The following EPHA6 variants were observed in gnomAD, a reference collection of about 807,000 sequenced individuals.
EPHA6 encodes EPH receptor A6.
A neutral mutation model predicts 112.0 loss-of-function variants in EPHA6; 50 were observed. That is an observed-to-expected ratio of 0.45 (90% CI 0.36 to 0.56). The LOEUF is 0.56. Among genes scored for constraint, EPHA6 ranks in the 20% least tolerant of loss-of-function variants. The pLI is 0.00. For missense variants in EPHA6, 1,280 were observed against 1,417.4 expected, an observed-to-expected ratio of 0.90 and a Z score of 1.56; for synonymous variants, 529 against 490.7, an observed-to-expected ratio of 1.08 and a Z score of -1.03.
intron 3 of EPHA6, among the ~76,000 whole-genome samples, chr3:97,055,556 A>G (rs998291): frequency 0.94 from 142,300 of 152,182 alleles, 66,597 homozygotes; most frequent in African/African-American, 0.98. Flanking sequence ...ACACTAAAAT[A>G]AACAGCTGAG....
At chr3:97,302,128 C>A (rs954508014) in intron 5 of EPHA6, among the ~76,000 whole-genome samples, 2 of 152,016 alleles carry the variant, frequency 1.3e-5, no homozygotes, top group Non-Finnish European at 2.9e-5. Context: ...TCACATACAT[C>A]AAACTTCTGC....
At chr3:96,868,001 C>T (rs1461300923) in intron 2 of EPHA6, among the ~76,000 whole-genome samples, 3 of 151,766 alleles carry the variant, frequency 2.0e-5, no homozygotes, top group Admixed American at 6.6e-5. Context: ...CAAACTGTTT[C>T]TGAGGTATAT....
intron 1 of EPHA6, among the ~76,000 whole-genome samples, chr3:96,843,573 A>G (rs1324992602): frequency 6.6e-6 from 1 of 152,028 alleles, no homozygotes; most frequent in Non-Finnish European, 1.5e-5. Flanking sequence ...CAATAGGAGT[A>G]ATGAAGTTGG....
At chr3:97,656,594 A>G (rs1187124954) in intron 14 of EPHA6, among the ~76,000 whole-genome samples, 1 of 151,406 alleles carries the variant, frequency 6.6e-6, no homozygotes, top group African/African-American at 2.4e-5. Flanking sequence ...TTTCTTTTTC[A>G]TTTACTGTAT....
rs371011917 is a variant in EPHA6, at chr3:97,270,909, ATAAAG to A, written c.1606+26625_1606+26629del. On this transcript the variant is annotated intron_variant, in intron 5 of 17. Transcript: ENST00000389672. Reference sequence around the variant, plus strand: ...GAAGTAACTCCCTGAATTCCCAGTCATAAAGTAGTCTGTGGCTTATGGTTTCAGTT... The same window carrying A: ...GAAGTAACTCCCTGAATTCCCAGTCATAGTCTGTGGCTTATGGTTTCAGTT... Among the ~76,000 whole-genome samples, 931 of 152,338 alleles carry A rather than the reference ATAAAG, an allele frequency of 6.1e-3. 5 individuals carry two copies. Among genetic ancestry groups the A allele is most frequent in the African/African-American group, 0.022 (900 of 41,574 alleles).
chr3:97,081,016 T>A (rs2046702965), intron 3 of EPHA6, among the ~76,000 whole-genome samples: 1 of 151,970 alleles, frequency 6.6e-6, no homozygotes, highest in Non-Finnish European at 1.5e-5. Flanking sequence ...CTACTGATTT[T>A]ATGAAATGTG....
chr3:97,566,903 T>C (rs968567221), intron 11 of EPHA6, among the ~76,000 whole-genome samples: 2 of 152,174 alleles, frequency 1.3e-5, no homozygotes, highest in African/African-American at 4.8e-5. Context: ...TTGAACCTTA[T>C]TGGCCTGGCA....
chr3:97,078,422 G>T (rs936925228), intron 3 of EPHA6, among the ~76,000 whole-genome samples: 6 of 152,030 alleles, frequency 3.9e-5, no homozygotes, highest in Admixed American at 1.3e-4. Flanking sequence ...GTCTATTTTG[G>T]CTTTTGTTGC....
rs2084492705 is a variant in EPHA6, at chr3:97,363,220, AT to A, written c.1607-41929del. ...TATATATATATATATATATATATATATATATATATATATATATAAATCTCAG... is the reference window on the plus strand; with the variant it reads ...TATATATATATATATATATATATATAATATATATATATATATAAATCTCAG... On this transcript the variant is annotated intron_variant, in intron 5 of 17. Coordinates refer to ENST00000389672, the MANE Select transcript of EPHA6 (RefSeq NM_001080448.3). Among the ~76,000 whole-genome samples the A allele has an allele frequency of 2.9e-4, 20 of 69,350 alleles. 1 individual carries two copies. Among genetic ancestry groups the A allele is most frequent in the Admixed American group, 6.0e-4 (4 of 6,690 alleles). 45.5% of individuals were successfully genotyped at this position (69,350 alleles called of 152,430 possible). A position where few individuals can be genotyped will look rare whatever the true frequency, so the allele number is the denominator to read the frequency against.
Position 97,169,261 on chromosome 3 carries a change from T to G in EPHA6, c.1115-57003T>G, listed in dbSNP as rs147145498. 2.3e-4 allele frequency among the ~76,000 whole-genome samples: 35 copies of G among 152,316 alleles called. No homozygotes were observed. In the East Asian group the frequency reaches 6.8e-3, roughly 29 times the overall value. On this transcript the variant is annotated intron_variant, in intron 3 of 17. Transcript: ENST00000389672. ...CACATTTTTAAGCAATCAAATCACA[T>G]TCAATGTAGCATCACATGTGCTGAG...
chr3:97,578,298 C>T (rs1035200449), intron 11 of EPHA6, among the ~76,000 whole-genome samples: 3 of 151,982 alleles, frequency 2.0e-5, no homozygotes, highest in African/African-American at 7.3e-5. Flanking sequence ...ACATACTGAA[C>T]AGCTGTCTTC....
Position 97,704,870 on chromosome 3 carries a change from CAT to C in EPHA6, c.2785-15390_2785-15389del, listed in dbSNP as rs527614277. Among the ~76,000 whole-genome samples, 25 of 152,164 alleles carry C rather than the reference CAT, an allele frequency of 1.6e-4. No individual in the cohort carries two copies. The East Asian group carries it at 4.5e-3, about 27-fold the overall frequency. On this transcript the variant is annotated intron_variant, in intron 14 of 17. Transcript: ENST00000389672. Reference sequence around the variant, plus strand: ...TATTTAATGTATAAAAATGTGGTGTCATGTGAATATTACAGAATTATGAAGTA... The same window carrying C: ...TATTTAATGTATAAAAATGTGGTGTCGTGAATATTACAGAATTATGAAGTA...
chr3:97,068,594 G>C (rs2046253787), intron 3 of EPHA6, among the ~76,000 whole-genome samples: 1 of 151,752 alleles, frequency 6.6e-6, no homozygotes, highest in African/African-American at 2.4e-5. Context: ...AAATAAGAGA[G>C]TTTTGAGGAA....
rs987510302 is a variant in EPHA6, at chr3:97,328,052, C to T, written c.1607-77098C>T. On this transcript the variant is annotated intron_variant, in intron 5 of 17. Coordinates refer to ENST00000389672, the MANE Select transcript of EPHA6 (RefSeq NM_001080448.3). ...ATGTGTATATATACACACATATATA[C>T]ACATATATATATATATATATATATA... 7.0e-3 allele frequency among the ~76,000 whole-genome samples: 391 copies of T among 56,100 alleles called. 4 individuals carry two copies. Among genetic ancestry groups the T allele is most frequent in the African/African-American group, 0.03 (328 of 10,900 alleles). The allele number at this position is 56,100 out of a possible 152,430, so 36.8% of individuals were successfully genotyped here.
chr3:96,836,368 G>T (rs776032666), intron 1 of EPHA6, among the ~76,000 whole-genome samples: 1 of 152,022 alleles, frequency 6.6e-6, no homozygotes, highest in Non-Finnish European at 1.5e-5. Context: ...TTGTGGCCTT[G>T]GGCAGATATT....
chr3:97,430,794 A>G (rs988838430), intron 6 of EPHA6, among the ~76,000 whole-genome samples: 2 of 152,000 alleles, frequency 1.3e-5, no homozygotes, highest in Non-Finnish European at 2.9e-5. Flanking sequence ...CTTTCTCAGA[A>G]CTCTTGTAAG....
chr3:96,899,482 A>G (rs1372167278), intron 2 of EPHA6, among the ~76,000 whole-genome samples: 1 of 152,192 alleles, frequency 6.6e-6, no homozygotes, highest in Non-Finnish European at 1.5e-5. Context: ...TAAAATTTCT[A>G]CTTTTGATTT....
At chr3:97,499,193 T>C (rs888621395) in intron 10 of EPHA6, among the ~76,000 whole-genome samples, 1 of 152,112 alleles carries the variant, frequency 6.6e-6, no homozygotes, top group Admixed American at 6.6e-5. Context: ...GATTTTTACC[T>C]GATTCTGTTT....
chr3:97,729,240 AG>A (rs1468622971), intron 15 of EPHA6, among the ~76,000 whole-genome samples: 3 of 152,014 alleles, frequency 2.0e-5, no homozygotes, highest in Non-Finnish European at 4.4e-5. Context: ...CTTTTAATTG[AG>A]TTATACATTC....
Sources: allele counts gnomAD v4.1 joint callset (sites outside exome capture counted in the v4.1 genomes callset), GRCh38; gene constraint gnomAD v4.1.1; transcripts MANE v1.5; gene names NCBI Gene and HGNC (gene_info 2026-07-23, HGNC 2026-07-21).